EYS: variants seen among roughly 807,000 people sequenced by gnomAD.
EYS encodes protein eyes shut homolog.
In EYS, 250 loss-of-function variants were observed where a neutral mutation model predicts 282.1. The ratio of observed to expected loss-of-function variants is 0.89; its 90% CI spans 0.80 to 0.98. EYS has a LOEUF of 0.98. Ranked by LOEUF, EYS falls within the 50% of genes least tolerant of loss-of-function variation. The probability of loss-of-function intolerance (pLI) is 0.00; values close to 1 mark genes in which losing one functional copy is unlikely to be tolerated. For synonymous variants in EYS, 1,355 were observed against 1,282.9 expected (o/e 1.06, Z -1.20); for missense variants, 4,016 against 3,709.0 (o/e 1.08, Z -2.15).
At chr6:64,728,645 G>A (rs1299533986) in intron 22 of EYS, among the ~76,000 whole-genome samples, 1 of 152,108 alleles carries the variant, frequency 6.6e-6, no homozygotes, top group African/African-American at 2.4e-5. Context: ...ATGTTACAGT[G>A]TTCTTTTAGT....
rs9453239 is a variant in EYS, at chr6:65,272,450, A to C, written c.2023+23413T>G. Among the ~76,000 whole-genome samples the C allele has an allele frequency of 9.3e-3, 1,415 of 152,240 alleles. 19 individuals carry two copies. The highest frequency in any genetic ancestry group is 0.032 in the African/African-American group (1,334 of 41,526). The stretch of plus-strand genomic sequence containing the variant: ...GCTCACTAAAGAGTGACTTAGGGCC[A>C]AGATTCCAGGTTTGAGGGTAGAGTT... On this transcript the variant is annotated intron_variant, in intron 12 of 42. Transcript: ENST00000503581.
chr6:64,229,359 A>G (rs1766347859), intron 31 of EYS, among the ~76,000 whole-genome samples: 1 of 152,194 alleles, frequency 6.6e-6, no homozygotes, highest in Non-Finnish European at 1.5e-5. Context: ...AGAATTTTAA[A>G]TAGTTAAATG....
chr6:64,812,868 T>A (rs1764639045), intron 22 of EYS, among the ~76,000 whole-genome samples: 1 of 151,928 alleles, frequency 6.6e-6, no homozygotes, highest in Admixed American at 6.6e-5. Flanking sequence ...AGGAAAAAAA[T>A]TCATCTCCTA....
At chr6:64,773,373 T>C (rs568642220) in intron 22 of EYS, among the ~76,000 whole-genome samples, 1 of 151,972 alleles carries the variant, frequency 6.6e-6, no homozygotes, top group South Asian at 2.1e-4. Flanking sequence ...CAATTCAGTC[T>C]ACCAGTGATG....
chr6:64,520,152 T>C (rs949332833), intron 26 of EYS, among the ~76,000 whole-genome samples: 3 of 151,692 alleles, frequency 2.0e-5, no homozygotes, highest in Non-Finnish European at 4.4e-5. Context: ...TCAAAGAGTT[T>C]CTGTAAACTT....
chr6:65,451,053 T>A (rs2150401665), intron 5 of EYS, among the ~76,000 whole-genome samples: 1 of 150,530 alleles, frequency 6.6e-6, no homozygotes, highest in African/African-American at 2.4e-5. Context: ...GGCATACTTA[T>A]AATTATAAAC....
At chr6:64,454,349 GTTGTT>G (rs1388685275) in intron 26 of EYS, among the ~76,000 whole-genome samples, 2 of 152,056 alleles carry the variant, frequency 1.3e-5, no homozygotes, top group African/African-American at 2.4e-5. Flanking sequence ...TCAGGGTTGT[GTTGTT>G]TTATTTTTGC....
intron 26 of EYS, among the ~76,000 whole-genome samples, chr6:64,456,899 T>A (rs889347390): frequency 6.6e-6 from 1 of 151,992 alleles, no homozygotes; most frequent in Non-Finnish European, 1.5e-5. Flanking sequence ...TATTGTCCTT[T>A]ACTCTTTACA....
intron 11 of EYS, among the ~76,000 whole-genome samples, chr6:65,301,352 C>G (rs1394871772): frequency 6.6e-6 from 1 of 152,176 alleles, no homozygotes; most frequent in Non-Finnish European, 1.5e-5. Flanking sequence ...GAAATTAGAT[C>G]TTAGGCATCG....
intron 36 of EYS, among the ~76,000 whole-genome samples, chr6:63,837,283 A>T (rs1771834127): frequency 6.6e-6 from 1 of 152,132 alleles, no homozygotes. Context: ...AACAGTTTGC[A>T]AATTGATGGG....
intron 37 of EYS, among the ~76,000 whole-genome samples, chr6:63,790,978 C>A (rs953660242): frequency 1.3e-5 from 2 of 152,088 alleles, no homozygotes; most frequent in African/African-American, 2.4e-5. Context: ...CATTTCATGC[C>A]AGGAGCATCA....
At position 65,541,392 on chromosome 6, in the gene EYS, C is replaced by T. The variant is rs994535960; in HGVS notation, c.-332-45399G>A. Among the ~76,000 whole-genome samples the T allele has an allele frequency of 2.7e-5, 3 of 110,508 alleles. No individual in the cohort carries two copies. The Admixed American group carries it at 3.3e-4, about 12-fold the overall frequency. The allele number at this position is 110,508 out of a possible 152,430, so 72.5% of individuals were successfully genotyped here. A position where few individuals can be genotyped will look rare whatever the true frequency, so the allele number is the denominator to read the frequency against. On this transcript the variant is annotated intron_variant, in intron 2 of 42. Coordinates refer to ENST00000503581, the MANE Select transcript of EYS (RefSeq NM_001142800.2). ...ATTTGTTCATGAATCAATATTTGGC[C>T]ATTATGTAAGTTGTATTTTTTTAGA...
At chr6:64,442,426 T>C (rs1010802672) in intron 26 of EYS, among the ~76,000 whole-genome samples, 1 of 152,160 alleles carries the variant, frequency 6.6e-6, no homozygotes, top group African/African-American at 2.4e-5. Flanking sequence ...GAAAATCCCA[T>C]TTTCTGAGGA....
chr6:64,997,566 G>A lies in EYS; in HGVS notation c.2259+16C>T, dbSNP rs755321049. 1.8e-5 allele frequency: 28 copies of A among 1,549,372 alleles called. No homozygotes were observed. The highest frequency in any genetic ancestry group is 2.3e-5 in the Non-Finnish European group (26 of 1,145,454). On this transcript the variant is annotated intron_variant, in intron 14 of 42. Transcript: ENST00000503581. The stretch of plus-strand genomic sequence containing the variant: ...TAGTCCACATTTAGGTATATAAAAA[G>A]CCAGTGGATACTAACGAGATGCAGG...
chr6:65,085,031 GA>G (rs1179748883), intron 12 of EYS, among the ~76,000 whole-genome samples: 3 of 152,120 alleles, frequency 2.0e-5, no homozygotes, highest in Admixed American at 6.5e-5. Flanking sequence ...TCAAATCTTA[GA>G]AAAAAACTGA....
chr6:64,646,901 A>G (rs1768374730), intron 22 of EYS, among the ~76,000 whole-genome samples: 1 of 152,042 alleles, frequency 6.6e-6, no homozygotes, highest in Admixed American at 6.6e-5. Flanking sequence ...GAGGTCTTGG[A>G]GTGTTACCTA....
At chr6:64,476,845 T>C (rs1261019356) in intron 26 of EYS, among the ~76,000 whole-genome samples, 1 of 152,190 alleles carries the variant, frequency 6.6e-6, no homozygotes, top group African/African-American at 2.4e-5. Flanking sequence ...TCTTACATAA[T>C]ACTGTGCAAA....
At chr6:63,824,304 C>A (rs965048502) in intron 36 of EYS, among the ~76,000 whole-genome samples, 1 of 152,040 alleles carries the variant, frequency 6.6e-6, no homozygotes, top group African/African-American at 2.4e-5. Flanking sequence ...GGAAACATGA[C>A]GGTATGGAGT....
At chr6:65,051,047 T>G (rs1583436222) in intron 13 of EYS, among the ~76,000 whole-genome samples, 1 of 151,650 alleles carries the variant, frequency 6.6e-6, no homozygotes, top group Non-Finnish European at 1.5e-5. Context: ...AGACATTTGC[T>G]TTGCTCAAAC....
Sources: gnomAD v4.1 joint callset for allele counts (sites outside exome capture counted in the v4.1 genomes callset) on GRCh38, gnomAD v4.1.1 for gene constraint, MANE v1.5 for transcripts, NCBI Gene and HGNC (gene_info 2026-07-23, HGNC 2026-07-21) for gene names.